SCN11A: variants seen among roughly 807,000 people sequenced by gnomAD.
SCN11A encodes the protein sodium channel protein type 11 subunit alpha.
SCN11A carries 122 observed loss-of-function variants against 162.2 expected under a neutral mutation model. That is an observed-to-expected ratio of 0.75 (90% confidence interval 0.65 to 0.87). The LOEUF (loss-of-function observed/expected upper bound fraction) is 0.87, where lower values mean the gene tolerates loss of function less well. Among genes scored for constraint, SCN11A ranks in the 40% least tolerant of loss-of-function variants. The pLI is 0.00. For missense variants in SCN11A, 2,015 were observed against 2,181.6 expected (o/e 0.92, Z 1.52); for synonymous variants, 758 against 751.5 (o/e 1.01, Z -0.14).
At chr3:38,951,207 T>C (rs1407056181) in intron 4 of SCN11A, among the ~76,000 whole-genome samples, 6 of 152,072 alleles carry the variant, frequency 3.9e-5, no homozygotes, top group Admixed American at 3.3e-4. Flanking sequence ...CCAGCTGGAG[T>C]TCCGGGTGGG....
intron 2 of SCN11A, among the ~76,000 whole-genome samples, chr3:39,008,589 G>A (rs1485480758): frequency 6.6e-6 from 1 of 152,162 alleles, no homozygotes; most frequent in Non-Finnish European, 1.5e-5. Flanking sequence ...AACATCCAAT[G>A]CATCTAAATA....
chr3:38,883,397 AT>A lies in SCN11A; in HGVS notation c.3065-11del. 6.2e-7 allele frequency: 1 copy of A among 1,610,462 alleles called. No homozygotes were observed. Among genetic ancestry groups the A allele is most frequent in the Non-Finnish European group, 8.5e-7 (1 of 1,178,528 alleles). On this transcript the variant is annotated splice_polypyrimidine_tract_variant and intron_variant, in intron 21 of 29. Coordinates refer to ENST00000302328, the MANE Select transcript of SCN11A (RefSeq NM_001349253.2). Reference sequence around the variant, plus strand: ...AAGCAGCAACCAAAGCCTGAAAGGAATTAATGGTAGCACTATCATTAGTGTC... The same window carrying A: ...AAGCAGCAACCAAAGCCTGAAAGGAATAATGGTAGCACTATCATTAGTGTC...
At chr3:39,025,210 A>G (rs911758107) in intron 2 of SCN11A, among the ~76,000 whole-genome samples, 2 of 152,126 alleles carry the variant, frequency 1.3e-5, no homozygotes, top group African/African-American at 4.8e-5. Context: ...GCAGGAGGTC[A>G]GAGAGACCTT....
intron 14 of SCN11A, among the ~76,000 whole-genome samples, chr3:38,906,962 C>T (rs2126126770): frequency 6.6e-6 from 1 of 152,178 alleles, no homozygotes; most frequent in South Asian, 2.1e-4. Flanking sequence ...GGCAAGTTTT[C>T]TAATGGGTCA....
intron 11 of SCN11A, among the ~76,000 whole-genome samples, chr3:38,914,830 A>G (rs2065936925): frequency 6.6e-6 from 1 of 152,176 alleles, no homozygotes; most frequent in Non-Finnish European, 1.5e-5. Context: ...GATGAAGCCT[A>G]CTTGATTGTG....
At chr3:38,927,614 G>A (rs780089634) in intron 7 of SCN11A, among the ~76,000 whole-genome samples, 3 of 152,080 alleles carry the variant, frequency 2.0e-5, no homozygotes, top group Admixed American at 6.6e-5. Flanking sequence ...AGATTTAATT[G>A]ACTCACAGTT....
intron 2 of SCN11A, among the ~76,000 whole-genome samples, chr3:38,983,483 G>C (rs982103700): frequency 6.6e-6 from 1 of 152,166 alleles, no homozygotes; most frequent in Admixed American, 6.5e-5. Flanking sequence ...CTTGAATGGG[G>C]AAAGAAAGTA....
At chr3:39,008,902 T>C (rs1575356920) in intron 2 of SCN11A, among the ~76,000 whole-genome samples, 1 of 151,632 alleles carries the variant, frequency 6.6e-6, no homozygotes, top group East Asian at 1.9e-4. Flanking sequence ...AAAAAAAGTA[T>C]GTATATATAT....
chr3:38,995,240 C>T (rs1319062886), intron 2 of SCN11A, among the ~76,000 whole-genome samples: 1 of 151,886 alleles, frequency 6.6e-6, no homozygotes, highest in Non-Finnish European at 1.5e-5. Flanking sequence ...CCTGCCTCAG[C>T]CTCCCGAGTA....
chr3:38,875,447 C>T (rs1389477524), intron 23 of SCN11A, among the ~76,000 whole-genome samples: 1 of 151,950 alleles, frequency 6.6e-6, no homozygotes, highest in Non-Finnish European at 1.5e-5. Flanking sequence ...TGATTGTATA[C>T]ATAGAAAATC....
At chr3:38,985,800 A>G (rs1020541992) in intron 2 of SCN11A, among the ~76,000 whole-genome samples, 3 of 151,018 alleles carry the variant, frequency 2.0e-5, no homozygotes, top group African/African-American at 5.0e-5. Context: ...TAAAATAGCC[A>G]TAAGTGTTTA....
intron 2 of SCN11A, among the ~76,000 whole-genome samples, chr3:39,030,413 T>C (rs1454719216): frequency 6.6e-6 from 1 of 152,088 alleles, no homozygotes; most frequent in Non-Finnish European, 1.5e-5. Context: ...CACAGGACCA[T>C]ATTTCTGACA....
chr3:38,895,006 A>T (rs1341329504), intron 18 of SCN11A, 42 bp from the exon 19 acceptor site: 1 of 1,535,536 alleles, frequency 6.5e-7, no homozygotes, highest in Non-Finnish European at 8.8e-7. Flanking sequence ...AAAGTTTAGC[A>T]AAGGAAAAGA....
chr3:38,984,069 T>C (rs551557994), intron 2 of SCN11A, among the ~76,000 whole-genome samples: 1 of 152,224 alleles, frequency 6.6e-6, no homozygotes, highest in Non-Finnish European at 1.5e-5. Flanking sequence ...GTCATCCTTC[T>C]ACAGCCTCCC....
chr3:38,950,309 G>A lies in SCN11A; in HGVS notation c.54C>T (p.Pro18=), dbSNP rs780037301. The change falls in exon 5 of 30, where the codon CCC becomes CCT. Residue 18 remains proline, a synonymous_variant. Transcript: ENST00000302328. ...VIFPDERNFR[P]FTSDSLAAIE... is the part of the protein sequence containing the mutation. ...TTGCAGCCAGAGAGTCGGAAGTGAA[G>A]GGGCGGAAATTCCGCTCATCTGGAA... The A allele has an allele frequency of 1.4e-5, 23 of 1,613,948 alleles. No homozygotes were observed. The Admixed American group carries it at 3.3e-4, about 23-fold the overall frequency.
At chr3:38,947,613 A>G (rs1037248741) in intron 5 of SCN11A, among the ~76,000 whole-genome samples, 2 of 152,220 alleles carry the variant, frequency 1.3e-5, no homozygotes, top group African/African-American at 4.8e-5. Context: ...ATGGTACATT[A>G]TGCCCGCCCC....
intron 12 of SCN11A, among the ~76,000 whole-genome samples, chr3:38,909,798 G>T (rs1206656282): frequency 6.6e-6 from 1 of 151,914 alleles, no homozygotes; most frequent in African/African-American, 2.4e-5. Context: ...GGCCAGGCTG[G>T]TCTCAAACTC....
At chr3:39,039,501 T>A (rs561726063) in intron 1 of SCN11A, among the ~76,000 whole-genome samples, 108 of 152,168 alleles carry the variant, frequency 7.1e-4, no homozygotes, top group African/African-American at 2.5e-3. Flanking sequence ...CCAATATCCC[T>A]GGGGCCCTGC....
At chr3:38,958,044 A>T (rs1392618613) in intron 3 of SCN11A, among the ~76,000 whole-genome samples, 1 of 152,208 alleles carries the variant, frequency 6.6e-6, no homozygotes, top group Non-Finnish European at 1.5e-5. Context: ...GAAAGCACTG[A>T]GGGCTGCACA....
Sources: allele counts gnomAD v4.1 joint callset (sites outside exome capture counted in the v4.1 genomes callset), GRCh38; gene constraint gnomAD v4.1.1; transcripts MANE v1.5; gene names NCBI Gene and HGNC (gene_info 2026-07-23, HGNC 2026-07-21).